Variants in C8orf34 observed in about 807,000 individuals in gnomAD.
C8orf34 encodes the protein uncharacterized protein C8orf34.
Under a neutral mutation model 68.3 loss-of-function variants are expected in C8orf34, and 65 were observed. The ratio of observed to expected loss-of-function variants is 0.95; its 90% confidence interval spans 0.78 to 1.17. The LOEUF (loss-of-function observed/expected upper bound fraction) is 1.17, where lower values mean the gene tolerates loss of function less well. Ranked by LOEUF, C8orf34 falls within the 50% of genes most tolerant of loss-of-function variation. The pLI is 0.00. For missense variants in C8orf34, 664 were observed against 655.4 expected (o/e 1.01, Z -0.14); for synonymous variants, 244 against 241.2 (o/e 1.01, Z -0.11).
At chr8:68,761,125 T>C (rs770262877) in intron 10 of C8orf34, among the ~76,000 whole-genome samples, 2 of 152,238 alleles carry the variant, frequency 1.3e-5, no homozygotes, top group East Asian at 1.9e-4. Context: ...TGAATACTTT[T>C]CCACCTTCTT....
At chr8:68,431,627 T>C (rs1810455137) in intron 1 of C8orf34, among the ~76,000 whole-genome samples, 1 of 152,206 alleles carries the variant, frequency 6.6e-6, no homozygotes, top group Non-Finnish European at 1.5e-5. Flanking sequence ...TACAAGCTTG[T>C]GCTTTTATAT....
At chr8:68,530,303 C>G (rs1815188305) in intron 6 of C8orf34, among the ~76,000 whole-genome samples, 1 of 151,930 alleles carries the variant, frequency 6.6e-6, no homozygotes, top group Non-Finnish European at 1.5e-5. Context: ...GTAACTTGCC[C>G]CAAATTATTC....
chr8:68,643,747 TTA>T (rs1819083979), intron 8 of C8orf34, among the ~76,000 whole-genome samples: 3 of 152,156 alleles, frequency 2.0e-5, no homozygotes, highest in Admixed American at 1.3e-4. Flanking sequence ...ACACAGGGGG[TTA>T]TGTTTCAACA....
At chr8:68,551,936 A>G (rs1816086161) in intron 7 of C8orf34, among the ~76,000 whole-genome samples, 1 of 152,134 alleles carries the variant, frequency 6.6e-6, no homozygotes, top group Admixed American at 6.5e-5. Context: ...ATTGTTTTGC[A>G]TGTGGATATT....
intron 1 of C8orf34, among the ~76,000 whole-genome samples, chr8:68,359,396 T>A (rs1246760220): frequency 6.6e-6 from 1 of 152,188 alleles, no homozygotes; most frequent in Non-Finnish European, 1.5e-5. Flanking sequence ...CCCTACTGAC[T>A]CCTACATGGG....
At chr8:68,637,822 C>T (rs556518578) in intron 7 of C8orf34, among the ~76,000 whole-genome samples, 1 of 152,218 alleles carries the variant, frequency 6.6e-6, no homozygotes, top group East Asian at 1.9e-4. Flanking sequence ...CCTGTGGTCT[C>T]ATTTGATGAG....
intron 7 of C8orf34, among the ~76,000 whole-genome samples, chr8:68,636,993 T>C (rs1818865939): frequency 6.6e-6 from 1 of 152,174 alleles, no homozygotes; most frequent in Admixed American, 6.5e-5. Context: ...ATCTCACAGG[T>C]CATGAGGACC....
chr8:68,546,520 C>A (rs1387160763), intron 7 of C8orf34, among the ~76,000 whole-genome samples: 1 of 150,954 alleles, frequency 6.6e-6, no homozygotes, highest in Non-Finnish European at 1.5e-5. Flanking sequence ...AAAAAAGAGA[C>A]AAATGGGATA....
rs747443197 is a variant in C8orf34, at chr8:68,521,819, T to G, written c.786T>G (p.Ser262=). ...TTCAGGAAACAGTGACATTTAATTC[T>G]TCTCTTCTGAGGCCCCGTGTGATTG... The part of the protein sequence containing the change: ...ELDKETVTFN[S]SLLRPRVIGE... The change falls in exon 6 of 14, where the codon TCT becomes TCG. Residue 262 remains serine, a synonymous_variant. Coordinates refer to ENST00000518698, the MANE Select transcript of C8orf34 (RefSeq NM_052958.4). 1.2e-6 allele frequency: 2 copies of G among 1,613,578 alleles called. No homozygotes were observed. Among genetic ancestry groups the G allele is most frequent in the Non-Finnish European group, 1.7e-6 (2 of 1,179,762 alleles).
intron 7 of C8orf34, among the ~76,000 whole-genome samples, chr8:68,552,816 G>A (rs936091482): frequency 3.4e-5 from 5 of 148,302 alleles, no homozygotes; most frequent in Non-Finnish European, 7.5e-5. Flanking sequence ...GCATCTACGA[G>A]ATGATCATGT....
At chr8:68,447,450 A>G (rs1339771179) in intron 3 of C8orf34, 1 of 152,158 alleles carries the variant, frequency 6.6e-6, no homozygotes, top group Non-Finnish European at 1.5e-5. Flanking sequence ...ATCCCCACAT[A>G]TGTATAAACA....
chr8:68,420,089 T>C (rs1040650818), intron 1 of C8orf34, among the ~76,000 whole-genome samples: 7 of 150,122 alleles, frequency 4.7e-5, no homozygotes, highest in African/African-American at 1.5e-4. Flanking sequence ...CAGGAGAAGA[T>C]AGAAATTCAG....
chr8:68,565,537 T>C (rs1022374035), intron 7 of C8orf34, among the ~76,000 whole-genome samples: 5 of 152,160 alleles, frequency 3.3e-5, no homozygotes, highest in African/African-American at 4.8e-5. Flanking sequence ...AGAAAGGGAA[T>C]GAGCATTTAA....
chr8:68,463,683 A>T (rs957567535), intron 3 of C8orf34, among the ~76,000 whole-genome samples: 2 of 152,224 alleles, frequency 1.3e-5, no homozygotes, highest in Non-Finnish European at 2.9e-5. Context: ...AGAATCAAAG[A>T]CAAAAACCAC....
intron 11 of C8orf34, among the ~76,000 whole-genome samples, chr8:68,782,319 T>A (rs1032979018): frequency 7.9e-5 from 12 of 152,114 alleles, no homozygotes; most frequent in African/African-American, 2.9e-4. Context: ...TGTTTTTCGG[T>A]GTAGCTCAGC....
Position 68,787,509 on chromosome 8 carries a change from G to T in C8orf34, c.1522G>T (p.Glu508Ter). The T allele has an allele frequency of 6.2e-7, 1 of 1,611,668 alleles. No individual in the cohort carries two copies. The highest frequency in any genetic ancestry group is 1.1e-5 in the South Asian group (1 of 90,766). The stretch of plus-strand genomic sequence containing the variant: ...GATCTTGCCAAGTGACACAGAAAGT[G>T]AAGGAGTGGAAGCAGAACAAGAGAA... The part of the protein sequence containing the change: ...PWILPSDTES[E>*]GVEAEQEKRS... The change falls in exon 12 of 14, where the codon GAA becomes TAA. Residue 508 changes from glutamate (E) to a stop codon, truncating the protein, a stop_gained. Coordinates refer to ENST00000518698, the MANE Select transcript of C8orf34 (RefSeq NM_052958.4). LOFTEE classifies it high-confidence loss of function.
At chr8:68,756,717 A>G (rs559578433) in intron 10 of C8orf34, among the ~76,000 whole-genome samples, 1 of 152,342 alleles carries the variant, frequency 6.6e-6, no homozygotes, top group East Asian at 1.9e-4. Context: ...ATGTTCATCA[A>G]AAGAAGACTG....
chr8:68,589,505 ACGAGAGAGAGAAAG>A (rs1232224106), intron 7 of C8orf34, among the ~76,000 whole-genome samples: 7 of 121,778 alleles, frequency 5.7e-5, no homozygotes, highest in South Asian at 2.5e-4. Context: ...AAGAGAGAGA[ACGAGAGAGAGAAAG>A]GGAGAGAGAG....
In C8orf34 at chr8:68,774,943, C is replaced by T. The variant is rs1326930874; in HGVS notation, c.1405-1456C>T. Reference sequence around the variant, plus strand: ...CCAACATGATGAAACCCTGTCTCCACTAAAAAAAAAAAAAAAAAAAAAAAT... The same window carrying T: ...CCAACATGATGAAACCCTGTCTCCATTAAAAAAAAAAAAAAAAAAAAAAAT... On this transcript the variant is annotated intron_variant, in intron 10 of 13. Coordinates refer to ENST00000518698, the MANE Select transcript of C8orf34 (RefSeq NM_052958.4). 1.9e-4 allele frequency among the ~76,000 whole-genome samples: 7 copies of T among 36,358 alleles called. No homozygotes were observed. In the African/African-American group the frequency reaches 2.1e-3, roughly 11 times the overall value. 23.9% of individuals were successfully genotyped at this position (36,358 alleles called of 152,430 possible).
Sources: gnomAD v4.1 joint callset for allele counts (sites outside exome capture counted in the v4.1 genomes callset) on GRCh38, gnomAD v4.1.1 for gene constraint, MANE v1.5 for transcripts, NCBI Gene and HGNC (gene_info 2026-07-23, HGNC 2026-07-21) for gene names.